Variants in NDFIP1 observed in about 807,000 individuals in gnomAD.
NDFIP1 encodes NEDD4 family-interacting protein 1.
In NDFIP1, 7 loss-of-function variants were observed where a neutral mutation model predicts 28.8. The ratio of observed to expected loss-of-function variants is 0.24; its 90% confidence interval spans 0.14 to 0.46. The LOEUF is 0.46. NDFIP1 is among the 20% of genes least tolerant of loss of function. The pLI is 0.99. For missense variants in NDFIP1, 194 were observed against 269.1 expected, an observed-to-expected ratio of 0.72 and a Z score of 1.95; for synonymous variants, 92 against 101.0, an observed-to-expected ratio of 0.91 and a Z score of 0.53.
chr5:142,124,567 C>G (rs1244849516), intron 1 of NDFIP1, among the ~76,000 whole-genome samples: 2 of 152,148 alleles, frequency 1.3e-5, no homozygotes, highest in African/African-American at 4.8e-5. Flanking sequence ...GAAAGCTTTA[C>G]AAACGGTTAG....
Position 142,112,770 on chromosome 5 carries a change from A to C in NDFIP1, c.63+3733A>C, listed in dbSNP as rs566678500. 1.9e-4 allele frequency among the ~76,000 whole-genome samples: 29 copies of C among 148,868 alleles called. 1 individual carries two copies. Among genetic ancestry groups the C allele is most frequent in the African/African-American group, 7.1e-4 (29 of 40,652 alleles). On this transcript the variant is annotated intron_variant, in intron 1 of 7. Coordinates refer to ENST00000253814, the MANE Select transcript of NDFIP1 (RefSeq NM_030571.4). The stretch of plus-strand genomic sequence containing the variant: ...CACTGCACTCCAGGCTGGGCGACGA[A>C]GTGAGACTCTGTCCAAAAAAAAAAA...
intron 3 of NDFIP1, among the ~76,000 whole-genome samples, chr5:142,135,374 T>G (rs1026892259): frequency 6.6e-6 from 1 of 152,212 alleles, no homozygotes; most frequent in Non-Finnish European, 1.5e-5. Flanking sequence ...AATTTTGTCT[T>G]TTGTCTTTTC....
At position 142,135,753 on chromosome 5, in the gene NDFIP1, T is replaced by A; in HGVS notation, c.306T>A (p.Asp102Glu). The A allele has an allele frequency of 6.2e-7, 1 of 1,613,858 alleles. No individual in the cohort carries two copies. Among genetic ancestry groups the A allele is most frequent in the Non-Finnish European group, 8.5e-7 (1 of 1,179,832 alleles). ...PGRDEDFVGR[D>E]DFDDADQLRI... The stretch of plus-strand genomic sequence containing the variant: ...AGGATGAGGATTTTGTGGGTCGGGA[T>A]GATTTTGATGATGCTGACCAGCTGA... Residue 102 changes from aspartate (D) to glutamate (E), a missense_variant, in exon 4 of 8, where the codon GAT becomes GAA. Asp to Glu is a conservative substitution (Grantham distance 45, BLOSUM62 2). Coordinates refer to ENST00000253814, the MANE Select transcript of NDFIP1 (RefSeq NM_030571.4).
chr5:142,141,198 CAG>C (rs1757326145), intron 6 of NDFIP1, among the ~76,000 whole-genome samples: 4 of 55,710 alleles, frequency 7.2e-5, no homozygotes, highest in Non-Finnish European at 1.3e-4. Context: ...TTTTTTTTTA[CAG>C]AGTCTTGCTC....
intron 1 of NDFIP1, among the ~76,000 whole-genome samples, chr5:142,113,030 CA>C (rs2069226547): frequency 6.6e-6 from 1 of 152,026 alleles, no homozygotes; most frequent in Non-Finnish European, 1.5e-5. Flanking sequence ...TGAATTTTGC[CA>C]ATTCATTTCA....
intron 1 of NDFIP1, among the ~76,000 whole-genome samples, chr5:142,123,214 C>T (rs552085905): frequency 1.2e-4 from 19 of 152,296 alleles, no homozygotes; most frequent in South Asian, 1.2e-3. Flanking sequence ...CGTCCCACCT[C>T]GGCCTCCCAA....
chr5:142,153,564 T>C lies in NDFIP1; in HGVS notation c.*1836T>C. 1 of 278,366 alleles carries C rather than the reference T, an allele frequency of 3.6e-6. No homozygotes were observed. The highest frequency in any genetic ancestry group is 2.2e-5 in the African/African-American group (1 of 44,910). The allele number at this position is 278,366 out of a possible 1,614,324, so 17.2% of individuals were successfully genotyped here. A position where few individuals can be genotyped will look rare whatever the true frequency, so the allele number is the denominator to read the frequency against. On this transcript the variant is annotated 3_prime_UTR_variant, in exon 8 of 8. Transcript: ENST00000253814. ...GTAGTGTGTTCTTTTTCAGAAGTTATATTTGATAATAGAGAAGGGAGTTTT... is the reference window on the plus strand; with the variant it reads ...GTAGTGTGTTCTTTTTCAGAAGTTACATTTGATAATAGAGAAGGGAGTTTT...
intron 1 of NDFIP1, among the ~76,000 whole-genome samples, chr5:142,123,299 A>G (rs1267602727): frequency 1.3e-5 from 2 of 151,750 alleles, no homozygotes; most frequent in Non-Finnish European, 2.9e-5. Context: ...TTGAAATCTA[A>G]AAGAATTATT....
intron 1 of NDFIP1, among the ~76,000 whole-genome samples, chr5:142,114,860 G>A (rs554101174): frequency 4.6e-5 from 7 of 152,222 alleles, no homozygotes; most frequent in African/African-American, 1.7e-4. Flanking sequence ...ATCTATCCTT[G>A]TTTTCTTACC....
At chr5:142,109,156 C>A in intron 1 of NDFIP1, 119 bp downstream of exon 1, 1 of 950,136 alleles carries the variant, frequency 1.1e-6, no homozygotes, top group Non-Finnish European at 1.4e-6. Flanking sequence ...TGGCAGGCCG[C>A]GCTGGGCCTG....
Position 142,131,982 on chromosome 5 carries a change from G to A in NDFIP1, c.151+87G>A, listed in dbSNP as rs575721376. 1.3e-5 allele frequency: 17 copies of A among 1,299,718 alleles called. No individual in the cohort carries two copies. In the East Asian group the frequency reaches 3.6e-4, roughly 27 times the overall value. The allele number at this position is 1,299,718 out of a possible 1,614,324, so 80.5% of individuals were successfully genotyped here. ...GTTTAAAAAAAAAAAAGCTTCAGAA[G>A]CAGTTGGAAGAAAGGTTACAAAGCA... is the stretch of plus-strand genomic sequence containing the variant. On this transcript the variant is annotated intron_variant, in intron 2 of 7. Transcript: ENST00000253814.
In NDFIP1 at chr5:142,153,105, C is replaced by T; in HGVS notation, c.*1377C>T. ...TTATTTCCAGTGTTTTCTGCATGTT[C>T]TCATTTGTTCTTTTTCTCAGTTGAA... On this transcript the variant is annotated 3_prime_UTR_variant, in exon 8 of 8. Coordinates refer to ENST00000253814, the MANE Select transcript of NDFIP1 (RefSeq NM_030571.4). 2.9e-6 allele frequency: 1 copy of T among 340,364 alleles called. No individual in the cohort carries two copies. Among genetic ancestry groups the T allele is most frequent in the Non-Finnish European group, 5.8e-6 (1 of 172,506 alleles). 21.1% of individuals were successfully genotyped at this position (340,364 alleles called of 1,614,324 possible).
rs1461325902 is a variant in NDFIP1, at chr5:142,125,002, AT to A, written c.64-6801del. ...CATCACGCCCAGCTAATTTTTTTGT[AT>A]TTTTAGTAGAGATGGGGTTTCACCT... On this transcript the variant is annotated intron_variant, in intron 1 of 7. Transcript: ENST00000253814. Among the ~76,000 whole-genome samples, 3 of 151,976 alleles carry A rather than the reference AT, an allele frequency of 2.0e-5. No individual in the cohort carries two copies. The East Asian group carries it at 5.8e-4, about 29-fold the overall frequency.
chr5:142,119,827 A>C (rs1757105003), intron 1 of NDFIP1, among the ~76,000 whole-genome samples: 1 of 152,230 alleles, frequency 6.6e-6, no homozygotes, highest in Non-Finnish European at 1.5e-5. Flanking sequence ...CTTATTGTTA[A>C]ATTTTGATTA....
rs371466228 is a variant in NDFIP1, at chr5:142,115,386, C to T, written c.63+6349C>T. On this transcript the variant is annotated intron_variant, in intron 1 of 7. Transcript: ENST00000253814. ...GCAACCTCCGCCTCCCAGGTTCAAG[C>T]GATTCTCCTGCCTCAGCCTCCTGAG... Among the ~76,000 whole-genome samples the T allele has an allele frequency of 3.9e-5, 6 of 152,142 alleles. No individual in the cohort carries two copies. In the East Asian group the frequency reaches 7.7e-4, roughly 20 times the overall value.
At chr5:142,125,230 G>A (rs1466092665) in intron 1 of NDFIP1, among the ~76,000 whole-genome samples, 5 of 152,082 alleles carry the variant, frequency 3.3e-5, no homozygotes, top group Non-Finnish European at 5.9e-5. Context: ...CGATCCCTTC[G>A]TAAGTTGATG....
intron 1 of NDFIP1, among the ~76,000 whole-genome samples, chr5:142,122,950 C>T (rs1316860252): frequency 1.3e-5 from 2 of 151,950 alleles, no homozygotes; most frequent in African/African-American, 2.4e-5. Flanking sequence ...GTAGAGTTCT[C>T]GTGTGTGTGT....
At chr5:142,113,076 A>G (rs1757031966) in intron 1 of NDFIP1, among the ~76,000 whole-genome samples, 1 of 152,198 alleles carries the variant, frequency 6.6e-6, no homozygotes, top group Non-Finnish European at 1.5e-5. Flanking sequence ...AATTCAATGT[A>G]AGTGGGTGAT....
At chr5:142,124,040 C>T (rs1026375215) in intron 1 of NDFIP1, among the ~76,000 whole-genome samples, 4 of 152,120 alleles carry the variant, frequency 2.6e-5, no homozygotes, top group African/African-American at 4.8e-5. Context: ...TCCTTATTTC[C>T]GTAGTCTTTG....
Sources: allele counts gnomAD v4.1 joint callset (sites outside exome capture counted in the v4.1 genomes callset), GRCh38; gene constraint gnomAD v4.1.1; transcripts MANE v1.5; gene names NCBI Gene and HGNC (gene_info 2026-07-23, HGNC 2026-07-21).